The following EIF4G3 variants were observed in gnomAD, a reference collection of about 807,000 sequenced individuals.
EIF4G3 encodes eukaryotic translation initiation factor 4 gamma 3, also known as eIF-4-gamma 3.
EIF4G3 carries 34 observed loss-of-function variants against 186.4 expected under a neutral mutation model. The ratio of observed to expected loss-of-function variants is 0.18; its 90% CI spans 0.14 to 0.24. The LOEUF (loss-of-function observed/expected upper bound fraction) is 0.24, where lower values mean the gene tolerates loss of function less well. EIF4G3 is among the 10% of genes least tolerant of loss of function. The pLI is 1.00. For missense variants in EIF4G3, 1,536 were observed against 1,948.5 expected (o/e 0.79, Z 3.99); for synonymous variants, 673 against 679.5 (o/e 0.99, Z 0.15).
chr1:21,067,752 G>GCA (rs2095299365), intron 3 of EIF4G3, among the ~76,000 whole-genome samples: 1 of 152,056 alleles, frequency 6.6e-6, no homozygotes, highest in Non-Finnish European at 1.5e-5. Flanking sequence ...GTGCAACACA[G>GCA]CACCACTGCA....
At chr1:21,122,950 A>G (rs992047590) in intron 2 of EIF4G3, among the ~76,000 whole-genome samples, 1 of 152,202 alleles carries the variant, frequency 6.6e-6, no homozygotes, top group African/African-American at 2.4e-5. Context: ...GCAAAATTAC[A>G]CGGTTGGAAC....
intron 2 of EIF4G3, among the ~76,000 whole-genome samples, chr1:21,154,983 C>A (rs1199798173): frequency 6.6e-6 from 1 of 152,038 alleles, no homozygotes; most frequent in Admixed American, 6.6e-5. Context: ...TATAGGCCAG[C>A]GGGGCACAGT....
chr1:20,952,039 G>A (rs1189579924), intron 12 of EIF4G3, among the ~76,000 whole-genome samples: 1 of 152,032 alleles, frequency 6.6e-6, no homozygotes, highest in Non-Finnish European at 1.5e-5. Context: ...TACTTCTCAG[G>A]TCTCACAGCT....
At chr1:20,981,368 C>T (rs2077933173) in intron 8 of EIF4G3, 141 bp from the exon 9 acceptor site, 2 of 645,050 alleles carry the variant, frequency 3.1e-6, no homozygotes, top group Non-Finnish European at 5.0e-6. Context: ...AATAAATTAC[C>T]TATTGCTGGG....
At chr1:20,894,056 C>T (rs1182727131) in intron 17 of EIF4G3, among the ~76,000 whole-genome samples, 4 of 151,918 alleles carry the variant, frequency 2.6e-5, no homozygotes, top group African/African-American at 4.8e-5. Context: ...AGTTTTGATG[C>T]TGTAGACTTA....
intron 13 of EIF4G3, among the ~76,000 whole-genome samples, chr1:20,943,967 ATTTTTTTTGTGTGTGT>A (rs1268023209): frequency 3.1e-4 from 20 of 65,380 alleles, no homozygotes; most frequent in Middle Eastern, 8.3e-3. Flanking sequence ...ACTTGTCTTT[ATTTTTTTTGTGTGTGT>A]GTGTGTGTGT....
intron 2 of EIF4G3, among the ~76,000 whole-genome samples, chr1:21,097,399 G>C (rs2096400582): frequency 6.6e-6 from 1 of 152,146 alleles, no homozygotes; most frequent in Non-Finnish European, 1.5e-5. Context: ...ATCTCAAACT[G>C]TTGTTCACAA....
chr1:20,997,558 T>C (rs573754509), intron 7 of EIF4G3, 43 bp downstream of exon 7: 1 of 1,535,656 alleles, frequency 6.5e-7, no homozygotes, highest in South Asian at 1.2e-5. Context: ...AAAGCCCCCA[T>C]CTATTAGTTA....
intron 14 of EIF4G3, among the ~76,000 whole-genome samples, chr1:20,937,536 C>CT (rs1362818871): frequency 3.9e-5 from 6 of 152,102 alleles, no homozygotes; most frequent in African/African-American, 1.4e-4. Context: ...TAAAAATGTA[C>CT]TATAAGCAAG....
At chr1:20,959,628 A>T (rs1573539025) in intron 12 of EIF4G3, among the ~76,000 whole-genome samples, 3 of 149,826 alleles carry the variant, frequency 2.0e-5, no homozygotes, top group South Asian at 4.2e-4. Flanking sequence ...TGATGAAGGA[A>T]ATCTACAAGG....
Position 20,982,915 on chromosome 1 carries a change from T to C in EIF4G3, c.178-507A>G, listed in dbSNP as rs539403001. 1.0e-3 allele frequency among the ~76,000 whole-genome samples: 156 copies of C among 152,348 alleles called. 5 individuals carry two copies. In the South Asian group the frequency reaches 0.031, roughly 30 times the overall value. ...TGCTCTTTTTAACTAATCAGGTATA[T>C]AAGAGGGCACTTATAGCTCTAAAAT... On this transcript the variant is annotated intron_variant, in intron 7 of 36. Coordinates refer to ENST00000602326, the MANE Select transcript of EIF4G3 (RefSeq NM_001391906.1).
chr1:20,827,514 T>C (rs918375067), intron 32 of EIF4G3, 103 bp downstream of exon 32: 1 of 540,634 alleles, frequency 1.8e-6, no homozygotes, highest in Non-Finnish European at 3.2e-6. Context: ...TCATTCTTAA[T>C]TACTTGCACC....
At chr1:21,159,101 G>A (rs570720752) in intron 2 of EIF4G3, among the ~76,000 whole-genome samples, 5 of 152,210 alleles carry the variant, frequency 3.3e-5, no homozygotes, top group African/African-American at 4.8e-5. Flanking sequence ...TTAAGAACAC[G>A]ATTGTCGGGG....
intron 11 of EIF4G3, among the ~76,000 whole-genome samples, chr1:20,970,100 A>G (rs36086051): frequency 0.027 from 4,155 of 152,180 alleles, 86 homozygotes; most frequent in Non-Finnish European, 0.038. Flanking sequence ...TGCCAGGATT[A>G]CAGGTGTGAA....
intron 2 of EIF4G3, among the ~76,000 whole-genome samples, chr1:21,128,174 T>A (rs946129210): frequency 3.5e-5 from 5 of 144,046 alleles, no homozygotes; most frequent in Admixed American, 7.1e-5. Context: ...GCCACTGCAC[T>A]CCAGCCTGGG....
At chr1:21,034,688 C>T (rs10799680) in intron 4 of EIF4G3, among the ~76,000 whole-genome samples, 59,623 of 152,152 alleles carry the variant, frequency 0.39, 12,419 homozygotes, top group Middle Eastern at 0.52. Context: ...GGGGTGCGGC[C>T]GCAGGCCACA....
chr1:20,889,319 ATTC>A (rs1468828697), intron 18 of EIF4G3, among the ~76,000 whole-genome samples: 1 of 152,128 alleles, frequency 6.6e-6, no homozygotes, highest in African/African-American at 2.4e-5. Flanking sequence ...TACTCCTAGG[ATTC>A]TTCTTTGCTG....
In EIF4G3 at chr1:20,892,595, C is replaced by CA. The variant is rs1190646930; in HGVS notation, c.2253+921dup. ...ATTATAACACCAGAGACTATTATTA[C>CA]AAAAAACAAAGTGTTCAGCGCACCC... On this transcript the variant is annotated intron_variant, in intron 18 of 36. Coordinates refer to ENST00000602326, the MANE Select transcript of EIF4G3 (RefSeq NM_001391906.1). The CA allele has an allele frequency of 2.8e-6, 4 of 1,431,872 alleles. No individual in the cohort carries two copies. In the African/African-American group the frequency reaches 4.2e-5, roughly 15 times the overall value. The allele number at this position is 1,431,872 out of a possible 1,614,324, so 88.7% of individuals were successfully genotyped here. A position where few individuals can be genotyped will look rare whatever the true frequency, so the allele number is the denominator to read the frequency against.
rs947148313 is a variant in EIF4G3 at position 20,978,911 on chromosome 1, G to GA, written c.493+1422dup. ...GCTTTGCCTACTTCACCTCAAAACTGAAAAAAAAAAACCTTCTTGGGCTAC... is the reference window on the plus strand; with the variant it reads ...GCTTTGCCTACTTCACCTCAAAACTGAAAAAAAAAAAACCTTCTTGGGCTAC... On this transcript the variant is annotated intron_variant, in intron 10 of 36. Transcript: ENST00000602326. Among the ~76,000 whole-genome samples, 785 of 140,542 alleles carry GA rather than the reference G, an allele frequency of 5.6e-3. 6 individuals carry two copies. Among genetic ancestry groups the GA allele is most frequent in the African/African-American group, 0.016 (602 of 38,406 alleles). 92.2% of individuals were successfully genotyped at this position (140,542 alleles called of 152,430 possible). A position where few individuals can be genotyped will look rare whatever the true frequency, so the allele number is the denominator to read the frequency against.
Sources: gnomAD v4.1 joint callset for allele counts (sites outside exome capture counted in the v4.1 genomes callset) on GRCh38, gnomAD v4.1.1 for gene constraint, MANE v1.5 for transcripts, NCBI Gene and HGNC (gene_info 2026-07-23, HGNC 2026-07-21) for gene names.